ASB3: variants seen among roughly 807,000 people sequenced by gnomAD.
The protein encoded by ASB3 is ankyrin repeat and SOCS box protein 3.
ASB3 carries 41 observed loss-of-function variants against 54.5 expected under a neutral mutation model. The observed-to-expected ratio is 0.75, with a 90% CI of 0.59 to 0.98. ASB3 has a LOEUF of 0.98. Ranked by LOEUF, ASB3 falls within the 50% of genes least tolerant of loss-of-function variation. ASB3 has a pLI of 0.00. For synonymous variants in ASB3, 266 were observed against 221.2 expected, an observed-to-expected ratio of 1.20 and a Z score of -1.80; for missense variants, 733 against 620.0, an observed-to-expected ratio of 1.18 and a Z score of -1.94.
chr2:53,716,517 T>C (rs374670665), intron 6 of ASB3, 49 bp downstream of exon 6: 139 of 1,582,210 alleles, frequency 8.8e-5, no homozygotes, highest in Non-Finnish European at 1.1e-4. Flanking sequence ...TTATTCTTTA[T>C]TAGCTTTTGA....
intron 5 of ASB3, among the ~76,000 whole-genome samples, chr2:53,727,662 C>G (rs1023264710): frequency 1.5e-4 from 23 of 152,108 alleles, no homozygotes; most frequent in African/African-American, 4.3e-4. Context: ...AGCAAACAAA[C>G]AAACTTTGTA....
intron 9 of ASB3, among the ~76,000 whole-genome samples, chr2:53,689,461 T>C (rs939988174): frequency 3.9e-5 from 6 of 152,238 alleles, no homozygotes; most frequent in African/African-American, 9.6e-5. Flanking sequence ...GGTTTTATTA[T>C]CCTAAACTAG....
intron 1 of ASB3, chr2:53,774,000 A>T: frequency 1.1e-6 from 1 of 921,006 alleles, no homozygotes; most frequent in Non-Finnish European, 1.6e-6. Flanking sequence ...GTGCCACTGC[A>T]CCACAGCCTG....
At chr2:53,784,120 A>G (rs753877630) in intron 1 of ASB3, among the ~76,000 whole-genome samples, 5 of 152,260 alleles carry the variant, frequency 3.3e-5, no homozygotes, top group Non-Finnish European at 4.4e-5. Flanking sequence ...TTTTCTCTGC[A>G]GATGCAATCA....
chr2:53,770,498 T>TAA (rs76201682), intron 1 of ASB3, among the ~76,000 whole-genome samples: 26 of 110,524 alleles, frequency 2.4e-4, no homozygotes, highest in Non-Finnish European at 3.3e-4. Context: ...GAAGTTTATT[T>TAA]AAAAAAAAAA....
intron 2 of ASB3, among the ~76,000 whole-genome samples, chr2:53,762,074 T>G: frequency 6.6e-6 from 1 of 152,136 alleles, no homozygotes; most frequent in Non-Finnish European, 1.5e-5. Flanking sequence ...TGGTCTGTCA[T>G]AGGATGCAGA....
chr2:53,764,904 T>G (rs557704125), intron 2 of ASB3, among the ~76,000 whole-genome samples: 5 of 152,360 alleles, frequency 3.3e-5, no homozygotes, highest in African/African-American at 9.6e-5. Flanking sequence ...CTGTTTCCTC[T>G]GACAAGAAAA....
In ASB3 at chr2:53,750,942, C is replaced by T. The variant is rs1672479186; in HGVS notation, c.197-1G>A. ...ATCTTAATGTAGTTTTCAGATGAAT[C>T]TGTGGAAGAATCAAAGCCCATCAAC... is the stretch of plus-strand genomic sequence containing the variant. On this transcript the variant is annotated splice_acceptor_variant, in intron 2 of 9. Coordinates refer to ENST00000263634, the MANE Select transcript of ASB3 (RefSeq NM_016115.5). LOFTEE classifies it high-confidence loss of function. The T allele has an allele frequency of 3.9e-6, 6 of 1,537,820 alleles. No homozygotes were observed. The highest frequency in any genetic ancestry group is 5.2e-6 in the Non-Finnish European group (6 of 1,143,730).
rs527846124 is a variant in ASB3 at position 53,690,699 on chromosome 2, C to T, written c.1369+3185G>A. Among the ~76,000 whole-genome samples the T allele has an allele frequency of 2.0e-5, 3 of 151,996 alleles. No homozygotes were observed. In the South Asian group the frequency reaches 6.2e-4, roughly 32 times the overall value. On this transcript the variant is annotated intron_variant, in intron 9 of 9. Transcript: ENST00000263634. The stretch of plus-strand genomic sequence containing the variant: ...GACTCCATTTTTTATCCATCTCCTA[C>T]CTTTTTTTTTTCGTTTTTCTTTTCC...
intron 1 of ASB3, chr2:53,771,925 C>G (rs761700884): frequency 2.6e-6 from 4 of 1,565,028 alleles, no homozygotes; most frequent in South Asian, 2.4e-5. Flanking sequence ...AGTTGTGACT[C>G]TTGTTGAAGA....
chr2:53,768,361 G>T, intron 1 of ASB3: 1 of 218,378 alleles, frequency 4.6e-6, no homozygotes, highest in South Asian at 1.5e-4. Context: ...CCATTGGCGG[G>T]AAGATGAATG....
chr2:53,761,347 G>A (rs553662792), intron 2 of ASB3, among the ~76,000 whole-genome samples: 10 of 152,200 alleles, frequency 6.6e-5, no homozygotes, highest in Non-Finnish European at 1.0e-4. Flanking sequence ...TCAGGCATTC[G>A]AGCAGGGAGC....
At chr2:53,701,524 T>C (rs1669494778) in intron 7 of ASB3, among the ~76,000 whole-genome samples, 2 of 152,120 alleles carry the variant, frequency 1.3e-5, no homozygotes, top group East Asian at 1.9e-4. Context: ...TATAGCCAAA[T>C]TGAAGAATAT....
intron 9 of ASB3, among the ~76,000 whole-genome samples, chr2:53,691,215 G>C (rs963197222): frequency 1.3e-5 from 2 of 152,158 alleles, no homozygotes; most frequent in Non-Finnish European, 2.9e-5. Flanking sequence ...TGTTACTTTT[G>C]TTTATAAACT....
intron 7 of ASB3, among the ~76,000 whole-genome samples, chr2:53,705,361 C>A (rs79218105): frequency 0.052 from 7,955 of 152,078 alleles, 438 homozygotes; most frequent in East Asian, 0.28. Context: ...CTTCAAAGAG[C>A]AAAATTTCTA....
intron 3 of ASB3, among the ~76,000 whole-genome samples, chr2:53,747,634 A>G (rs574357589): frequency 6.6e-6 from 1 of 152,348 alleles, no homozygotes; most frequent in South Asian, 2.1e-4. Context: ...TTTAACAAAT[A>G]ATTTACTGAA....
chr2:53,672,832 T>C (rs1667887934), intron 9 of ASB3, among the ~76,000 whole-genome samples: 3 of 152,226 alleles, frequency 2.0e-5, no homozygotes, highest in Admixed American at 6.5e-5. Flanking sequence ...TCAGTTGTTG[T>C]AGCCACGTCT....
In ASB3 at chr2:53,676,608, C is replaced by T. The variant is rs184632853; in HGVS notation, c.1370-5918G>A. Among the ~76,000 whole-genome samples the T allele has an allele frequency of 2.7e-3, 414 of 152,184 alleles. 2 individuals are homozygous for T. Among genetic ancestry groups the T allele is most frequent in the African/African-American group, 8.8e-3 (367 of 41,492 alleles). ...AATTTAGTGTGGCCTAAGTATATGG[C>T]GTTAAAGTATACAGTAGCATACAGT... is the stretch of plus-strand genomic sequence containing the variant. On this transcript the variant is annotated intron_variant, in intron 9 of 9. Transcript: ENST00000263634.
intron 1 of ASB3, among the ~76,000 whole-genome samples, chr2:53,772,203 C>A (rs771780752): frequency 6.6e-6 from 1 of 152,014 alleles, no homozygotes; most frequent in Non-Finnish European, 1.5e-5. Flanking sequence ...GAGACAGAGT[C>A]TAGCTCTGTC....
Sources: gnomAD v4.1 joint callset for allele counts (sites outside exome capture counted in the v4.1 genomes callset) on GRCh38, gnomAD v4.1.1 for gene constraint, MANE v1.5 for transcripts, NCBI Gene and HGNC (gene_info 2026-07-23, HGNC 2026-07-21) for gene names.